SYTL3: variants seen among roughly 807,000 people sequenced by gnomAD.
SYTL3 encodes the protein synaptotagmin like 3.
In SYTL3, 88 loss-of-function variants were observed where a neutral mutation model predicts 82.1. The ratio of observed to expected loss-of-function variants is 1.07; its 90% CI spans 0.90 to 1.28. The LOEUF is 1.28. Among genes scored for constraint, SYTL3 ranks in the 50% most tolerant of loss-of-function variants. The pLI, the probability that SYTL3 is intolerant of heterozygous loss-of-function variation, is 0.00. For synonymous variants in SYTL3, 311 were observed against 289.4 expected, an observed-to-expected ratio of 1.07 and a Z score of -0.76; for missense variants, 831 against 757.6, an observed-to-expected ratio of 1.10 and a Z score of -1.14.
chr6:158,654,595 G>A (rs1255143555), intron 2 of SYTL3, among the ~76,000 whole-genome samples: 1 of 152,162 alleles, frequency 6.6e-6, no homozygotes, highest in East Asian at 1.9e-4. Context: ...CTTTTGAGTC[G>A]GGCTTGCTTT....
intron 2 of SYTL3, among the ~76,000 whole-genome samples, chr6:158,652,128 A>G (rs1267088631): frequency 6.6e-6 from 1 of 152,046 alleles, no homozygotes; most frequent in African/African-American, 2.4e-5. Context: ...AGGTTTCACC[A>G]GGTTGGCTAG....
intron 5 of SYTL3, among the ~76,000 whole-genome samples, chr6:158,670,986 A>G (rs1004548781): frequency 6.6e-6 from 1 of 151,448 alleles, no homozygotes; most frequent in Non-Finnish European, 1.5e-5. Context: ...TTGTATTTTT[A>G]GTAGAGACAG....
At chr6:158,703,291 C>T (rs557613537) in intron 6 of SYTL3, among the ~76,000 whole-genome samples, 1 of 152,064 alleles carries the variant, frequency 6.6e-6, no homozygotes, top group South Asian at 2.1e-4. Context: ...GCCCTGGCAG[C>T]CTCAGACCTG....
intron 5 of SYTL3, among the ~76,000 whole-genome samples, chr6:158,668,226 T>TTTTATTTATTTA (rs71030189): frequency 6.6e-6 from 1 of 150,778 alleles, no homozygotes; most frequent in African/African-American, 2.4e-5. Flanking sequence ...GGGCAGAGTC[T>TTTTATTTATTTA]TTTATTTATT....
At chr6:158,754,697 G>A (rs1411570648) in intron 13 of SYTL3, among the ~76,000 whole-genome samples, 3 of 152,260 alleles carry the variant, frequency 2.0e-5, no homozygotes, top group African/African-American at 7.2e-5. Context: ...TCCAGCCTGG[G>A]CGACAGAGCG....
In SYTL3 at chr6:158,744,241, T is replaced by G. The variant is rs184861991; in HGVS notation, c.856-1239T>G. Among the ~76,000 whole-genome samples the G allele has an allele frequency of 1.1e-4, 16 of 151,642 alleles. No individual in the cohort carries two copies. In the East Asian group the frequency reaches 2.9e-3, roughly 28 times the overall value. On this transcript the variant is annotated intron_variant, in intron 11 of 17. Coordinates refer to ENST00000611299, the MANE Select transcript of SYTL3 (RefSeq NM_001242394.2). ...CTCAGTTGCTGTTTTTTTTTTCTAT[T>G]TTATCTTTCCCTTGTGGTTCTGACT...
At chr6:158,737,665 A>G (rs1240477086) in intron 11 of SYTL3, among the ~76,000 whole-genome samples, 5 of 152,234 alleles carry the variant, frequency 3.3e-5, no homozygotes, top group Non-Finnish European at 5.9e-5. Context: ...CATTTGCTGC[A>G]TTCAACTTGT....
intron 12 of SYTL3, among the ~76,000 whole-genome samples, chr6:158,749,507 C>CT (rs765386344): frequency 0.071 from 4,704 of 65,920 alleles, 227 homozygotes; most frequent in Non-Finnish European, 0.083. Context: ...TTCTTTCTCT[C>CT]TTTTTTTTTT....
intron 2 of SYTL3, among the ~76,000 whole-genome samples, chr6:158,654,742 G>A (rs1278699632): frequency 2.0e-5 from 3 of 152,204 alleles, no homozygotes; most frequent in South Asian, 2.1e-4. Context: ...CTGAGAGCAC[G>A]TGGCTGAGTC....
At chr6:158,720,545 G>C (rs1455208488) in intron 10 of SYTL3, among the ~76,000 whole-genome samples, 1 of 151,980 alleles carries the variant, frequency 6.6e-6, no homozygotes, top group Non-Finnish European at 1.5e-5. Context: ...CCCATAAGAA[G>C]GACAAATGAG....
intron 6 of SYTL3, among the ~76,000 whole-genome samples, chr6:158,697,949 A>G (rs1428813584): frequency 6.6e-6 from 1 of 152,194 alleles, no homozygotes; most frequent in Non-Finnish European, 1.5e-5. Flanking sequence ...CTTCTTGTCC[A>G]CAGGATTGTA....
chr6:158,691,287 C>T (rs1341364631), intron 6 of SYTL3, among the ~76,000 whole-genome samples: 2 of 151,494 alleles, frequency 1.3e-5, no homozygotes, highest in African/African-American at 4.9e-5. Flanking sequence ...GCGGAGGTTG[C>T]AGTGAGCCAA....
At chr6:158,728,627 C>A (rs796999450) in intron 11 of SYTL3, among the ~76,000 whole-genome samples, 1 of 152,118 alleles carries the variant, frequency 6.6e-6, no homozygotes, top group Non-Finnish European at 1.5e-5. Context: ...TTAATTCATT[C>A]GTTCATTCAT....
chr6:158,746,484 G>A (rs994806402), intron 12 of SYTL3, among the ~76,000 whole-genome samples: 6 of 73,652 alleles, frequency 8.1e-5, no homozygotes, highest in Non-Finnish European at 1.6e-4. Context: ...TTATTATTTT[G>A]AGGTGGAGTC....
In SYTL3 at chr6:158,711,499, C is replaced by G. The variant is rs767594749; in HGVS notation, c.517-2301C>G. ...GGGATACCAGTAGCGTGACTCAGTC[C>G]AAGTCCCAAGGTGTCGGCGCCAGGA... On this transcript the variant is annotated intron_variant, in intron 8 of 17. Coordinates refer to ENST00000611299, the MANE Select transcript of SYTL3 (RefSeq NM_001242394.2). 3.0e-4 allele frequency among the ~76,000 whole-genome samples: 46 copies of G among 152,278 alleles called. 2 individuals are homozygous for G. The Middle Eastern group carries it at 0.02, about 68-fold the overall frequency.
chr6:158,727,621 C>G (rs1025110841), intron 11 of SYTL3, among the ~76,000 whole-genome samples: 1 of 151,726 alleles, frequency 6.6e-6, no homozygotes, highest in African/African-American at 2.4e-5. Context: ...AATCTTCACC[C>G]ACCAGGCCTC....
chr6:158,675,004 A>T (rs112830380), intron 5 of SYTL3, among the ~76,000 whole-genome samples: 16 of 151,968 alleles, frequency 1.1e-4, no homozygotes, highest in African/African-American at 3.6e-4. Flanking sequence ...CTCTATGTAC[A>T]TATGTAGAAA....
Position 158,665,538 on chromosome 6 carries a change from A to G in SYTL3, c.254A>G (p.His85Arg). ...GGCGCCGTGTGCCGGGGCTGCAGCC[A>G]CCGCGTGTGTGCCCAGTGCCGAGTG... ...HRGAVCRGCS[H>R]RVCAQCRVFL... The change falls in exon 5 of 18, where the codon CAC becomes CGC. Residue 85 changes from histidine to arginine, a missense_variant. Coordinates refer to ENST00000611299, the MANE Select transcript of SYTL3 (RefSeq NM_001242394.2). 6.3e-7 allele frequency: 1 copy of G among 1,587,530 alleles called. No homozygotes were observed. The highest frequency in any genetic ancestry group is 8.6e-7 in the Non-Finnish European group (1 of 1,167,456).
chr6:158,729,972 C>T (rs541104018), intron 11 of SYTL3, among the ~76,000 whole-genome samples: 12 of 152,164 alleles, frequency 7.9e-5, no homozygotes, highest in Admixed American at 4.6e-4. Context: ...GCTTTGTGCT[C>T]ATAACTCTTT....
Sources: allele counts gnomAD v4.1 joint callset (sites outside exome capture counted in the v4.1 genomes callset), GRCh38; gene constraint gnomAD v4.1.1; transcripts MANE v1.5; gene names NCBI Gene and HGNC (gene_info 2026-07-23, HGNC 2026-07-21).